The following PCDH7 variants were observed in gnomAD, a reference collection of about 807,000 sequenced individuals.
PCDH7 encodes protocadherin 7, also known as protocadherin-7.
Under a neutral mutation model 58.9 loss-of-function variants are expected in PCDH7, and 17 were observed. The ratio of observed to expected loss-of-function variants is 0.29; its 90% CI spans 0.20 to 0.43. The LOEUF (loss-of-function observed/expected upper bound fraction) is 0.43. Ranked by LOEUF, PCDH7 falls within the 20% of genes least tolerant of loss-of-function variation. The probability of loss-of-function intolerance (pLI) is 1.00; values close to 1 mark genes in which losing one functional copy is unlikely to be tolerated. For synonymous variants in PCDH7, 664 were observed against 616.4 expected, an observed-to-expected ratio of 1.08 and a Z score of -1.14; for missense variants, 1,274 against 1,441.0, an observed-to-expected ratio of 0.88 and a Z score of 1.88.
In PCDH7 at chr4:30,807,156, A is replaced by G. The variant is rs765445996; in HGVS notation, c.70+82560A>G. 2.0e-4 allele frequency among the ~76,000 whole-genome samples: 31 copies of G among 152,334 alleles called. 1 individual carries two copies. Among genetic ancestry groups the G allele is most frequent in the Non-Finnish European group, 4.4e-4 (30 of 68,028 alleles). On this transcript the variant is annotated intron_variant, in intron 1 of 3. Coordinates refer to the PCDH7 transcript ENST00000509759. ...CAGTTATCCTTTTCATATATTTAAG[A>G]GCTCTGAAAGAATTACCAAAATAAC...
chr4:30,955,086 T>A (rs1303562960), intron 3 of PCDH7, among the ~76,000 whole-genome samples: 5 of 151,982 alleles, frequency 3.3e-5, no homozygotes, highest in Non-Finnish European at 7.4e-5. Context: ...AAGAAAAATT[T>A]TGAATGATTA....
At chr4:30,845,268 T>C (rs1030750102) in intron 1 of PCDH7, among the ~76,000 whole-genome samples, 3 of 152,214 alleles carry the variant, frequency 2.0e-5, no homozygotes, top group Admixed American at 6.6e-5. Flanking sequence ...TTTAGCCTTT[T>C]CAGATGTTGT....
At chr4:30,807,593 T>C (rs1336079792) in intron 1 of PCDH7, among the ~76,000 whole-genome samples, 1 of 152,192 alleles carries the variant, frequency 6.6e-6, no homozygotes, top group African/African-American at 2.4e-5. Context: ...GTTTGCAATC[T>C]CTACTCTTTA....
intron 1 of PCDH7, 190 bp downstream of exon 1, chr4:30,724,786 C>A: frequency 7.1e-7 from 1 of 1,407,738 alleles, no homozygotes; most frequent in East Asian, 2.6e-5. Flanking sequence ...CTGTATTTTG[C>A]AAATTAGAAT....
At chr4:31,008,360 T>A (rs1222855216) in intron 3 of PCDH7, among the ~76,000 whole-genome samples, 2 of 152,172 alleles carry the variant, frequency 1.3e-5, no homozygotes, top group Non-Finnish European at 2.9e-5. Context: ...GATATGATGG[T>A]TCGTAAAAAT....
At chr4:31,054,941 A>G (rs1204782437) in intron 3 of PCDH7, among the ~76,000 whole-genome samples, 4 of 152,050 alleles carry the variant, frequency 2.6e-5, no homozygotes, top group Non-Finnish European at 5.9e-5. Flanking sequence ...GTTTCATCCC[A>G]TTTCATGTTA....
At chr4:31,045,943 T>C (rs960688247) in intron 3 of PCDH7, among the ~76,000 whole-genome samples, 2 of 152,028 alleles carry the variant, frequency 1.3e-5, no homozygotes, top group African/African-American at 4.8e-5. Flanking sequence ...ACCTGTTTTA[T>C]ATACTGTATA....
chr4:30,855,707 C>T (rs1303824158), intron 1 of PCDH7, among the ~76,000 whole-genome samples: 1 of 152,084 alleles, frequency 6.6e-6, no homozygotes, highest in Non-Finnish European at 1.5e-5. Flanking sequence ...CATAGTAATA[C>T]ATTGGAGTTA....
At chr4:30,990,869 T>A (rs1237544249) in intron 3 of PCDH7, among the ~76,000 whole-genome samples, 3 of 152,186 alleles carry the variant, frequency 2.0e-5, no homozygotes, top group Non-Finnish European at 2.9e-5. Flanking sequence ...ATAAGTTATT[T>A]ATGCATATTG....
intron 1 of PCDH7, among the ~76,000 whole-genome samples, chr4:30,803,645 C>CCCAGGCTG (rs1198049750): frequency 6.6e-6 from 1 of 152,166 alleles, no homozygotes; most frequent in East Asian, 1.9e-4. Flanking sequence ...CTTGCTGTTA[C>CCCAGGCTG]CCAGGCTGGC....
intron 1 of PCDH7, among the ~76,000 whole-genome samples, chr4:30,778,046 G>A (rs549162487): frequency 5.2e-4 from 79 of 152,024 alleles, no homozygotes; most frequent in African/African-American, 1.9e-3. Flanking sequence ...CATTGCATTA[G>A]TGCAGTCTTC....
chr4:31,055,870 C>A (rs2109228312), intron 3 of PCDH7, among the ~76,000 whole-genome samples: 1 of 152,242 alleles, frequency 6.6e-6, no homozygotes, highest in Non-Finnish European at 1.5e-5. Flanking sequence ...ATAAAGGCAC[C>A]TGCACCCAGC....
At chr4:30,993,376 G>A (rs939984062) in intron 3 of PCDH7, among the ~76,000 whole-genome samples, 12 of 152,052 alleles carry the variant, frequency 7.9e-5, no homozygotes, top group African/African-American at 2.4e-4. Flanking sequence ...CCAAGATGTC[G>A]CCATGCTCCA....
chr4:30,930,535 C>T (rs1744438340), intron 2 of PCDH7, among the ~76,000 whole-genome samples: 1 of 152,120 alleles, frequency 6.6e-6, no homozygotes, highest in Non-Finnish European at 1.5e-5. Flanking sequence ...AAGTATTTGG[C>T]ACCAGATAAG....
At chr4:31,031,650 GA>G (rs143678683) in intron 3 of PCDH7, among the ~76,000 whole-genome samples, 20,464 of 151,988 alleles carry the variant, frequency 0.13, 1,588 homozygotes, top group Middle Eastern at 0.25. Context: ...CAAATTAAAA[GA>G]AAAAAACTTT....
At position 31,046,056 on chromosome 4, in the gene PCDH7, T is replaced by C. The variant is rs190911191; in HGVS notation, c.*7+95841T>C. 6.6e-5 allele frequency among the ~76,000 whole-genome samples: 10 copies of C among 152,148 alleles called. 1 individual carries two copies. The highest frequency in any genetic ancestry group is 6.6e-4 in the Admixed American group (10 of 15,242). ...GCATTCTTTGCATCATCCACAACCCTGCTATCTACAGCAGCTTCCCCTGTC... is the reference window on the plus strand; with the variant it reads ...GCATTCTTTGCATCATCCACAACCCCGCTATCTACAGCAGCTTCCCCTGTC... On this transcript the variant is annotated intron_variant, in intron 3 of 3. Coordinates refer to the PCDH7 transcript ENST00000509759.
At chr4:31,123,859 A>C (rs2173550) in intron 3 of PCDH7, among the ~76,000 whole-genome samples, 1 of 151,944 alleles carries the variant, frequency 6.6e-6, no homozygotes, top group African/African-American at 2.4e-5. Flanking sequence ...GGAGAGGAGG[A>C]CAAACTCCTC....
At chr4:30,910,342 G>A (rs1741562814) in intron 1 of PCDH7, among the ~76,000 whole-genome samples, 1 of 151,882 alleles carries the variant, frequency 6.6e-6, no homozygotes, top group Non-Finnish European at 1.5e-5. Context: ...TAATTAAAGA[G>A]CTTCTGCACA....
intron 3 of PCDH7, among the ~76,000 whole-genome samples, chr4:31,090,964 A>G (rs1713169034): frequency 1.3e-5 from 2 of 152,208 alleles, no homozygotes; most frequent in East Asian, 3.9e-4. Flanking sequence ...AAGCAACTTT[A>G]TGAAAAACAC....
Sources: allele counts gnomAD v4.1 joint callset (sites outside exome capture counted in the v4.1 genomes callset), GRCh38; gene constraint gnomAD v4.1.1; transcripts MANE v1.5; gene names NCBI Gene and HGNC (gene_info 2026-07-23, HGNC 2026-07-21).